IRAG1: variants seen among roughly 807,000 people sequenced by gnomAD.
IRAG1 encodes the protein inositol 1,4,5-triphosphate receptor associated 1, also known as IP3R-associated cGMP kinase substrate.
IRAG1 carries 62 observed loss-of-function variants against 106.2 expected under a neutral mutation model. The observed-to-expected ratio is 0.58, with a 90% CI of 0.48 to 0.72. IRAG1 has a LOEUF of 0.72. Among genes scored for constraint, IRAG1 ranks in the 30% least tolerant of loss-of-function variants. IRAG1 has a pLI of 0.00. For missense variants in IRAG1, 1,064 were observed against 1,140.7 expected (o/e 0.93, Z 0.97); for synonymous variants, 462 against 443.9 (o/e 1.04, Z -0.51).
chr11:10,666,875 A>G (rs889998769), intron 1 of IRAG1, among the ~76,000 whole-genome samples: 2 of 152,058 alleles, frequency 1.3e-5, no homozygotes, highest in Admixed American at 1.3e-4. Flanking sequence ...AGGCACTGGG[A>G]AATCACTGGG....
At chr11:10,677,089 T>C (rs886492057) in intron 1 of IRAG1, among the ~76,000 whole-genome samples, 1 of 152,188 alleles carries the variant, frequency 6.6e-6, no homozygotes. Flanking sequence ...CTAATTTCCT[T>C]TGTGCGTCTC....
chr11:10,615,781 G>A (rs964159279), intron 10 of IRAG1, among the ~76,000 whole-genome samples: 2 of 151,834 alleles, frequency 1.3e-5, no homozygotes, highest in Non-Finnish European at 2.9e-5. Context: ...GGGGCCTGTG[G>A]TGGGGTCCGG....
At position 10,657,986 on chromosome 11, in the gene IRAG1, C is replaced by T. The variant is rs187581200; in HGVS notation, c.68-5804G>A. 5.3e-5 allele frequency among the ~76,000 whole-genome samples: 8 copies of T among 152,344 alleles called. No homozygotes were observed. The highest frequency in any genetic ancestry group is 2.1e-4 in the South Asian group (1 of 4,828). On this transcript the variant is annotated intron_variant, in intron 1 of 20. Transcript: ENST00000423302. This position sits in a 1 kb window ranked among gnomAD's most constrained non-coding sequence, Gnocchi z 4.1. Reference sequence around the variant, plus strand: ...GCAGCTTTCTGACTTTTCATTTTGACGGTTTTGCTCATAGTAAAGGGTAAG... The same window carrying T: ...GCAGCTTTCTGACTTTTCATTTTGATGGTTTTGCTCATAGTAAAGGGTAAG...
At chr11:10,618,222 T>TG (rs1855576721) in intron 10 of IRAG1, among the ~76,000 whole-genome samples, 3 of 152,166 alleles carry the variant, frequency 2.0e-5, no homozygotes, top group African/African-American at 7.2e-5. Context: ...GATGACTTTC[T>TG]CTTCCCCAGC....
intron 3 of IRAG1, among the ~76,000 whole-genome samples, chr11:10,633,342 T>TG (rs1856888025): frequency 2.6e-5 from 4 of 152,328 alleles, no homozygotes; most frequent in East Asian, 1.9e-4. Flanking sequence ...CCCAAAGTGC[T>TG]AGGATTACAG....
At chr11:10,597,255 G>T (rs1853425731) in intron 15 of IRAG1, among the ~76,000 whole-genome samples, 1 of 152,108 alleles carries the variant, frequency 6.6e-6, no homozygotes, top group African/African-American at 2.4e-5. Context: ...TCATTTTGAG[G>T]AGTTCTATTT....
intron 1 of IRAG1, among the ~76,000 whole-genome samples, chr11:10,663,417 G>C (rs918443410): frequency 6.6e-6 from 1 of 152,108 alleles, no homozygotes; most frequent in African/African-American, 2.4e-5. Context: ...AACTGGTTTG[G>C]GAAAGTCAGA....
rs1000417148 is a variant in IRAG1 at position 10,573,705 on chromosome 11, C to T, written c.*2627G>A. On this transcript the variant is annotated 3_prime_UTR_variant, in exon 21 of 21. Transcript: ENST00000423302. Reference sequence around the variant, plus strand: ...AGGTGCAGGAGCTCTCCATAACTGCCTTCCTGGCCTTTGACTCATCCAGAA... The same window carrying T: ...AGGTGCAGGAGCTCTCCATAACTGCTTTCCTGGCCTTTGACTCATCCAGAA... 1 of 152,254 alleles carries T rather than the reference C, an allele frequency of 6.6e-6. No homozygotes were observed. Among genetic ancestry groups the T allele is most frequent in the Non-Finnish European group, 1.5e-5 (1 of 68,064 alleles). The allele number at this position is 152,254 out of a possible 1,614,324, so 9.4% of individuals were successfully genotyped here. A position where few individuals can be genotyped will look rare whatever the true frequency, so the allele number is the denominator to read the frequency against.
chr11:10,640,873 C>T (rs1857460468), intron 2 of IRAG1, among the ~76,000 whole-genome samples: 1 of 152,194 alleles, frequency 6.6e-6, no homozygotes, highest in African/African-American at 2.4e-5. Flanking sequence ...GCCTCAGTTA[C>T]CTAATCTATA....
intron 14 of IRAG1, among the ~76,000 whole-genome samples, chr11:10,602,344 C>T (rs576303071): frequency 2.2e-4 from 33 of 152,348 alleles, no homozygotes; most frequent in African/African-American, 6.5e-4. Context: ...TTTACAAGTA[C>T]GGCAGCAACC....
chr11:10,644,417 G>A (rs1029459208), intron 2 of IRAG1, among the ~76,000 whole-genome samples: 3 of 152,144 alleles, frequency 2.0e-5, no homozygotes, highest in Non-Finnish European at 2.9e-5. Context: ...CCTTAATTGA[G>A]GCTGTTCTTG....
intron 3 of IRAG1, among the ~76,000 whole-genome samples, chr11:10,633,201 A>T (rs1003045361): frequency 6.6e-6 from 1 of 150,902 alleles, no homozygotes; most frequent in Non-Finnish European, 1.5e-5. Context: ...CAGCCTCCCG[A>T]GTAGCTGGGA....
intron 18 of IRAG1, among the ~76,000 whole-genome samples, chr11:10,583,217 G>A (rs1024426023): frequency 9.9e-5 from 15 of 152,158 alleles, no homozygotes; most frequent in African/African-American, 2.7e-4. Context: ...TTAAAGCCAC[G>A]GGGATAGACA....
At chr11:10,648,316 A>G (rs1404949982) in intron 2 of IRAG1, among the ~76,000 whole-genome samples, 1 of 152,208 alleles carries the variant, frequency 6.6e-6, no homozygotes, top group Admixed American at 6.5e-5. Context: ...GTGAGCTGAG[A>G]TCACACCAAT....
intron 1 of IRAG1, among the ~76,000 whole-genome samples, chr11:10,681,148 AG>A (rs1334336432): frequency 6.6e-6 from 1 of 152,082 alleles, no homozygotes; most frequent in African/African-American, 2.4e-5. Context: ...TCCAAGGAAC[AG>A]AAATCTTGTC....
intron 4 of IRAG1, among the ~76,000 whole-genome samples, chr11:10,631,233 T>C (rs1856667693): frequency 6.6e-6 from 1 of 152,222 alleles, no homozygotes; most frequent in African/African-American, 2.4e-5. Context: ...GTTGGGTTTC[T>C]ATCATTTGAA....
Position 10,628,141 on chromosome 11 carries a change from T to C in IRAG1, c.653-116A>G. On this transcript the variant is annotated intron_variant, in intron 6 of 20. Coordinates refer to ENST00000423302, the MANE Select transcript of IRAG1 (RefSeq NM_130385.4). This position sits in a 1 kb window ranked among gnomAD's most constrained non-coding sequence, Gnocchi z 4.1. Reference sequence around the variant, plus strand: ...CCTTTGCAATCTCAGGCCTGGAAGATTTGCTGACTACCTCCCGTGTGCCAG... The same window carrying C: ...CCTTTGCAATCTCAGGCCTGGAAGACTTGCTGACTACCTCCCGTGTGCCAG... 8.8e-7 allele frequency: 1 copy of C among 1,137,016 alleles called. No individual in the cohort carries two copies. The highest frequency in any genetic ancestry group is 1.3e-6 in the Non-Finnish European group (1 of 767,668). 70.4% of individuals were successfully genotyped at this position (1,137,016 alleles called of 1,614,324 possible). A position where few individuals can be genotyped will look rare whatever the true frequency, so the allele number is the denominator to read the frequency against.
intron 3 of IRAG1, among the ~76,000 whole-genome samples, chr11:10,633,232 A>C (rs7127681): frequency 6.6e-6 from 1 of 150,644 alleles, no homozygotes; most frequent in Non-Finnish European, 1.5e-5. Context: ...CCGCCACCAC[A>C]CCCGGCTAAT....
At chr11:10,672,526 CAT>C (rs1346901775) in intron 1 of IRAG1, among the ~76,000 whole-genome samples, 7 of 152,306 alleles carry the variant, frequency 4.6e-5, no homozygotes, top group Admixed American at 2.6e-4. Context: ...TTTGAATACA[CAT>C]GTCTCCAAAG....
Sources: gnomAD v4.1 joint callset for allele counts (sites outside exome capture counted in the v4.1 genomes callset) on GRCh38, gnomAD v4.1.1 for gene constraint, Gnocchi (gnomAD v3.1) non-coding constraint, MANE v1.5 for transcripts, NCBI Gene and HGNC (gene_info 2026-07-23, HGNC 2026-07-21) for gene names.